VPS13C: variants seen among roughly 807,000 people sequenced by gnomAD.
VPS13C encodes the protein vacuolar protein sorting 13 homolog C.
In VPS13C, 358 loss-of-function variants were observed where a neutral mutation model predicts 456.8. The ratio of observed to expected loss-of-function variants is 0.78; its 90% CI spans 0.72 to 0.86. The LOEUF (loss-of-function observed/expected upper bound fraction) is 0.86, where lower values mean the gene tolerates loss of function less well. Ranked by LOEUF, VPS13C falls within the 40% of genes least tolerant of loss-of-function variation. VPS13C has a pLI of 0.00. For missense variants in VPS13C, 4,818 were observed against 4,385.4 expected (o/e 1.10, Z -2.79); for synonymous variants, 1,578 against 1,486.7 (o/e 1.06, Z -1.41).
rs141890160 is a variant in VPS13C, at chr15:61,922,557, A to G, written c.6815T>C (p.Ile2272Thr). Residue 2272 changes from isoleucine (I) to threonine (T), a missense_variant, in exon 54 of 85, where the codon ATA becomes ACA. Ile to Thr is a moderately conservative substitution (Grantham distance 89). Around this residue, in one of 3 missense-constraint regions of VPS13C, gnomAD observed 4,552 missense variants for 4,130.6 expected, o/e 1.10. Coordinates refer to ENST00000644861, the MANE Select transcript of VPS13C (RefSeq NM_020821.3). ...TACAACAACACCACAATTTTCCTCT[A>G]TCAGTGAATGTTCAATGCCTTTGAA... Reference protein sequence around the residue: ...ESFKGIEHSLIEENCGVVVES... With the variant: ...ESFKGIEHSLTEENCGVVVES... The G allele has an allele frequency of 8.5e-4, 1,379 of 1,614,112 alleles. 1 individual carries two copies. Among genetic ancestry groups the G allele is most frequent in the Non-Finnish European group, 1.1e-3 (1,318 of 1,179,978 alleles).
chr15:62,033,356 G>A (rs2047881261), intron 5 of VPS13C, 85 bp downstream of exon 5: 1 of 786,056 alleles, frequency 1.3e-6, no homozygotes, highest in Non-Finnish European at 1.8e-6. Context: ...AACTTATGAA[G>A]GCTTACAAAA....
chr15:62,043,455 A>G (rs892679247), intron 2 of VPS13C, among the ~76,000 whole-genome samples: 17 of 152,192 alleles, frequency 1.1e-4, no homozygotes, highest in South Asian at 4.2e-4. Context: ...AAAATACAAA[A>G]ATTACCCAGG....
intron 8 of VPS13C, among the ~76,000 whole-genome samples, chr15:62,022,368 G>A (rs920351202): frequency 6.6e-6 from 1 of 151,860 alleles, no homozygotes; most frequent in African/African-American, 2.4e-5. Context: ...AATGGCTGTA[G>A]TAATTTACAT....
intron 47 of VPS13C, among the ~76,000 whole-genome samples, chr15:61,937,023 C>G (rs1200249465): frequency 6.6e-6 from 1 of 152,124 alleles, no homozygotes; most frequent in Non-Finnish European, 1.5e-5. Flanking sequence ...TTCCTGGACC[C>G]GTGCCTATCT....
chr15:62,001,796 A>G (rs1339935320), intron 15 of VPS13C, among the ~76,000 whole-genome samples: 1 of 152,120 alleles, frequency 6.6e-6, no homozygotes, highest in Non-Finnish European at 1.5e-5. Flanking sequence ...GCGATAGTTT[A>G]CTGAGAATGA....
chr15:61,925,400 G>T (rs1290109193), intron 53 of VPS13C, 56 bp downstream of exon 53: 6 of 1,037,884 alleles, frequency 5.8e-6, no homozygotes, highest in Non-Finnish European at 6.7e-6. Flanking sequence ...CTGCAAATAT[G>T]CAATGTCGTG....
chr15:61,945,304 C>G (rs143806793), intron 45 of VPS13C, among the ~76,000 whole-genome samples: 3,593 of 152,260 alleles, frequency 0.024, 48 homozygotes, highest in Middle Eastern at 0.058. Flanking sequence ...AAAAGAAAAG[C>G]ATTTCATGAT....
Position 61,983,541 on chromosome 15 carries a change from C to A in VPS13C, c.1914+279G>T, listed in dbSNP as rs114749605. 9.4e-3 allele frequency among the ~76,000 whole-genome samples: 1,433 copies of A among 151,978 alleles called. 26 individuals are homozygous for A. Among genetic ancestry groups the A allele is most frequent in the African/African-American group, 0.033 (1,355 of 41,456 alleles). ...AGTAAACGTGTAACAATTTGGAAGT[C>A]GTTGGCAAATAAACAAGAATTTTTA... On this transcript the variant is annotated intron_variant, in intron 20 of 84. Transcript: ENST00000644861.
At chr15:61,922,308 G>T in intron 54 of VPS13C, 89 bp downstream of exon 54, 1 of 1,460,514 alleles carries the variant, frequency 6.8e-7, no homozygotes, top group Non-Finnish European at 9.2e-7. Context: ...TACTCATAGT[G>T]GCCATGCACA....
intron 1 of VPS13C, among the ~76,000 whole-genome samples, chr15:62,055,656 T>A (rs1054371464): frequency 1.3e-5 from 2 of 152,216 alleles, no homozygotes; most frequent in African/African-American, 4.8e-5. Context: ...ATCTTAAAAC[T>A]ACTTCCAAAG....
chr15:62,032,439 T>G (rs2047851049), intron 5 of VPS13C, among the ~76,000 whole-genome samples: 1 of 151,808 alleles, frequency 6.6e-6, no homozygotes, highest in Non-Finnish European at 1.5e-5. Flanking sequence ...GAAAATTTCT[T>G]CCACTATGGT....
intron 60 of VPS13C, among the ~76,000 whole-genome samples, 175 bp downstream of exon 60, chr15:61,917,166 A>T (rs2043498420): frequency 6.6e-6 from 1 of 152,210 alleles, no homozygotes; most frequent in African/African-American, 2.4e-5. Flanking sequence ...CACACAGAGC[A>T]GTTCCTGGCA....
At chr15:61,875,436 A>T (rs893480695) in intron 76 of VPS13C, among the ~76,000 whole-genome samples, 20 of 152,004 alleles carry the variant, frequency 1.3e-4, no homozygotes, top group South Asian at 6.2e-4. Flanking sequence ...TCAGTGCCCT[A>T]TTAGTCCCTT....
chr15:62,040,982 G>A (rs1596522162), intron 3 of VPS13C, among the ~76,000 whole-genome samples: 2 of 152,038 alleles, frequency 1.3e-5, no homozygotes, highest in Admixed American at 6.5e-5. Context: ...TTTACCTACT[G>A]GAGTTTGCAA....
intron 38 of VPS13C, 120 bp downstream of exon 38, chr15:61,954,301 T>A: frequency 9.2e-7 from 1 of 1,089,944 alleles, no homozygotes; most frequent in Non-Finnish European, 1.3e-6. Flanking sequence ...CACTGCTACA[T>A]GTGAACAGCC....
At position 61,854,867 on chromosome 15, in the gene VPS13C, T is replaced by G; in HGVS notation, c.11160+4A>C. 6.2e-7 allele frequency: 1 copy of G among 1,600,406 alleles called. No individual in the cohort carries two copies. Among genetic ancestry groups the G allele is most frequent in the South Asian group, 1.1e-5 (1 of 87,966 alleles). ...AATTGAGGCATGCTCTTTAAATTGT[T>G]TACCTCTGCTGTGGCGGTGTCCTTC... On this transcript the variant is annotated splice_donor_region_variant and intron_variant, in intron 84 of 84. Coordinates refer to ENST00000644861, the MANE Select transcript of VPS13C (RefSeq NM_020821.3).
chr15:61,869,116 C>CTTTTTTTTTTTTTT (rs68084709), intron 80 of VPS13C, among the ~76,000 whole-genome samples: 9 of 131,300 alleles, frequency 6.9e-5, no homozygotes, highest in African/African-American at 1.5e-4. Flanking sequence ...TTTCTTTTTT[C>CTTTTTTTTTTTTTT]TTTTTTTTTT....
chr15:62,000,466 A>G, intron 16 of VPS13C, 98 bp downstream of exon 16: 2 of 1,184,316 alleles, frequency 1.7e-6, no homozygotes, highest in Non-Finnish European at 1.2e-6. Context: ...ATTAAGCAAT[A>G]AAAACCTCAC....
intron 37 of VPS13C, among the ~76,000 whole-genome samples, chr15:61,956,240 C>A (rs994284655): frequency 6.6e-6 from 1 of 151,912 alleles, no homozygotes; most frequent in Non-Finnish European, 1.5e-5. Flanking sequence ...AAACCAAATA[C>A]CACATGTTCT....
Sources: gnomAD v4.1 joint callset for allele counts (sites outside exome capture counted in the v4.1 genomes callset) on GRCh38, gnomAD v4.1.1 for gene constraint, gnomAD v4.1.1 regional missense constraint, MANE v1.5 for transcripts, NCBI Gene and HGNC (gene_info 2026-07-23, HGNC 2026-07-21) for gene names.